Variants in MLANA observed in about 807,000 individuals in gnomAD.
MLANA encodes the protein melan-A.
MLANA carries 21 observed loss-of-function variants against 15.7 expected under a neutral mutation model. The observed-to-expected ratio is 1.33, with a 90% CI of 0.95 to 1.92. The LOEUF is 1.92. Ranked by LOEUF, MLANA falls within the 40% of genes most tolerant of loss-of-function variation. The probability of loss-of-function intolerance (pLI) is 0.00; values close to 1 mark genes in which losing one functional copy is unlikely to be tolerated. For synonymous variants in MLANA, 56 were observed against 51.5 expected (o/e 1.09, Z -0.37); for missense variants, 164 against 143.8 (o/e 1.14, Z -0.72).
At position 5,897,539 on chromosome 9, in the gene MLANA, G is replaced by A; in HGVS notation, c.78-18G>A. Reference sequence around the variant, plus strand: ...AATGTTTCAATGACAAAGTGGATTTGTCTATCTCTTGGGCCAGGGCCGCTG... The same window carrying A: ...AATGTTTCAATGACAAAGTGGATTTATCTATCTCTTGGGCCAGGGCCGCTG... On this transcript the variant is annotated intron_variant, in intron 2 of 4. Transcript: ENST00000381477. 1 of 1,607,072 alleles carries A rather than the reference G, an allele frequency of 6.2e-7. No homozygotes were observed. The highest frequency in any genetic ancestry group is 1.3e-5 in the African/African-American group (1 of 74,920).
At chr9:5,898,153 C>T (rs1832160801) in intron 3 of MLANA, 2 of 153,698 alleles carry the variant, frequency 1.3e-5, no homozygotes, top group Admixed American at 1.3e-4. Context: ...AAGCCATCCT[C>T]CTGTCTCAGC....
At chr9:5,903,573 G>A (rs1018970129) in intron 3 of MLANA, among the ~76,000 whole-genome samples, 1 of 152,114 alleles carries the variant, frequency 6.6e-6, no homozygotes, top group African/African-American at 2.4e-5. Flanking sequence ...TGTTATTTCT[G>A]ATAGAGAGAT....
chr9:5,892,258 G>C (rs945225803), intron 1 of MLANA, among the ~76,000 whole-genome samples, 192 bp from the exon 2 acceptor site: 11 of 152,176 alleles, frequency 7.2e-5, no homozygotes, highest in Non-Finnish European at 1.6e-4. Flanking sequence ...GGAGGGGTTA[G>C]AAACCTGAGC....
At chr9:5,903,246 T>C (rs1832564354) in intron 3 of MLANA, among the ~76,000 whole-genome samples, 1 of 152,200 alleles carries the variant, frequency 6.6e-6, no homozygotes, top group Non-Finnish European at 1.5e-5. Flanking sequence ...GCCCAGAATG[T>C]GGTTTATCCT....
chr9:5,910,359 C>T lies in MLANA; in HGVS notation c.*1651C>T, dbSNP rs77017769. 6 of 152,026 alleles carry T rather than the reference C, an allele frequency of 3.9e-5. No individual in the cohort carries two copies. The highest frequency in any genetic ancestry group is 2.1e-4 in the South Asian group (1 of 4,816). 9.4% of individuals were successfully genotyped at this position (152,026 alleles called of 1,614,324 possible). The stretch of plus-strand genomic sequence containing the variant: ...GGATAAAGAGATGTATTACACACAT[C>T]GAAAAAAACAACATTTAACAAAATA... On this transcript the variant is annotated 3_prime_UTR_variant, in exon 5 of 5. Transcript: ENST00000381477.
chr9:5,892,248 G>A (rs543482663), intron 1 of MLANA, among the ~76,000 whole-genome samples: 7 of 152,242 alleles, frequency 4.6e-5, no homozygotes, highest in Admixed American at 3.3e-4. Flanking sequence ...TCAGTTAGTA[G>A]GAGGGGTTAG....
chr9:5,892,763 G>T (rs1013573090), intron 2 of MLANA, among the ~76,000 whole-genome samples: 5 of 152,202 alleles, frequency 3.3e-5, no homozygotes, highest in African/African-American at 1.2e-4. Flanking sequence ...AGATGGGAAT[G>T]GTATAAGGTT....
At chr9:5,899,472 C>T (rs1832271332) in intron 3 of MLANA, among the ~76,000 whole-genome samples, 4 of 152,140 alleles carry the variant, frequency 2.6e-5, no homozygotes, top group African/African-American at 7.2e-5. Context: ...ACACACCCAC[C>T]GAGCATAGCC....
At chr9:5,902,447 C>CT (rs1414793695) in intron 3 of MLANA, among the ~76,000 whole-genome samples, 5 of 151,444 alleles carry the variant, frequency 3.3e-5, no homozygotes, top group African/African-American at 7.3e-5. Context: ...ACTCTACTGA[C>CT]TTTTTTTTCT....
intron 3 of MLANA, among the ~76,000 whole-genome samples, chr9:5,904,216 T>C (rs1832642078): frequency 6.6e-6 from 1 of 152,228 alleles, no homozygotes; most frequent in Non-Finnish European, 1.5e-5. Flanking sequence ...GAGGGTTTCT[T>C]GTAGAGAACA....
intron 4 of MLANA, among the ~76,000 whole-genome samples, chr9:5,908,255 T>C (rs145884413): frequency 3.1e-4 from 47 of 152,342 alleles, no homozygotes; most frequent in Non-Finnish European, 5.7e-4. Context: ...TCTTGTTTTA[T>C]ATTTGGTAGT....
At position 5,906,157 on chromosome 9, in the gene MLANA, C is replaced by G. The variant is rs1427498772; in HGVS notation, c.175-728C>G. On this transcript the variant is annotated intron_variant, in intron 3 of 4. Coordinates refer to ENST00000381477, the MANE Select transcript of MLANA (RefSeq NM_005511.2). ...CTTGAGCTCAGGAGTTTAAGACCAG[C>G]CTAGGCAACTTAGCAAGATCATGTC... Among the ~76,000 whole-genome samples the G allele has an allele frequency of 2.7e-5, 4 of 150,326 alleles. No individual in the cohort carries two copies. In the South Asian group the frequency reaches 8.5e-4, roughly 32 times the overall value.
intron 3 of MLANA, among the ~76,000 whole-genome samples, chr9:5,899,867 G>T (rs1296610388): frequency 6.6e-6 from 1 of 152,166 alleles, no homozygotes; most frequent in African/African-American, 2.4e-5. Flanking sequence ...CCCATTGTCT[G>T]CCATTGAGTT....
At chr9:5,899,896 A>C (rs1475930075) in intron 3 of MLANA, among the ~76,000 whole-genome samples, 1 of 152,182 alleles carries the variant, frequency 6.6e-6, no homozygotes, top group Non-Finnish European at 1.5e-5. Context: ...ACTAGAATTC[A>C]ACTTCTCCAA....
chr9:5,905,554 C>T (rs942980226), intron 3 of MLANA, among the ~76,000 whole-genome samples: 1 of 152,168 alleles, frequency 6.6e-6, no homozygotes, highest in South Asian at 2.1e-4. Flanking sequence ...TCCAAACTGA[C>T]TCTGGTATAG....
Position 5,908,943 on chromosome 9 carries a change from A to C in MLANA, c.*235A>C, listed in dbSNP as rs1476228267. 1 of 498,880 alleles carries C rather than the reference A, an allele frequency of 2.0e-6. No individual in the cohort carries two copies. The highest frequency in any genetic ancestry group is 3.4e-5 in the East Asian group (1 of 29,186). 30.9% of individuals were successfully genotyped at this position (498,880 alleles called of 1,614,324 possible). A position where few individuals can be genotyped will look rare whatever the true frequency, so the allele number is the denominator to read the frequency against. ...ATCAATAAATGTTGCAATGCATGAT[A>C]CTATCTGTGCCAGAGGTAATGTTAG... On this transcript the variant is annotated 3_prime_UTR_variant, in exon 5 of 5. Transcript: ENST00000381477.
chr9:5,909,048 T>C lies in MLANA; in HGVS notation c.*340T>C, dbSNP rs1832999175. On this transcript the variant is annotated 3_prime_UTR_variant, in exon 5 of 5. Transcript: ENST00000381477. Reference sequence around the variant, plus strand: ...CATCCAATTTCTCTTTACTTGAAATTTGGCTAATAACAAACTAGTCAGGTT... The same window carrying C: ...CATCCAATTTCTCTTTACTTGAAATCTGGCTAATAACAAACTAGTCAGGTT... 2 of 300,266 alleles carry C rather than the reference T, an allele frequency of 6.7e-6. No homozygotes were observed. Among genetic ancestry groups the C allele is most frequent in the African/African-American group, 2.2e-5 (1 of 45,250 alleles). 18.6% of individuals were successfully genotyped at this position (300,266 alleles called of 1,614,324 possible).
intron 3 of MLANA, 45 bp downstream of exon 3, chr9:5,897,698 C>A: frequency 1.3e-6 from 2 of 1,499,702 alleles, no homozygotes; most frequent in East Asian, 2.3e-5. Flanking sequence ...GTCCAGGGCC[C>A]TCTTTCCAGT....
Position 5,892,458 on chromosome 9 carries a change from T to G in MLANA, c.-17T>G. On this transcript the variant is annotated 5_prime_UTR_variant, in exon 2 of 5. Transcript: ENST00000381477. ...CATGCTCCTTCTGTTAGGTGTCCTGTGCCCTGACCCTACAAGATGCCAAGA... is the reference window on the plus strand; with the variant it reads ...CATGCTCCTTCTGTTAGGTGTCCTGGGCCCTGACCCTACAAGATGCCAAGA... 6.2e-7 allele frequency: 1 copy of G among 1,609,946 alleles called. No individual in the cohort carries two copies. Among genetic ancestry groups the G allele is most frequent in the Non-Finnish European group, 8.5e-7 (1 of 1,178,266 alleles).
Sources: allele counts gnomAD v4.1 joint callset (sites outside exome capture counted in the v4.1 genomes callset), GRCh38; gene constraint gnomAD v4.1.1; transcripts MANE v1.5; gene names NCBI Gene and HGNC (gene_info 2026-07-23, HGNC 2026-07-21).